ARHGAP4: variants seen among roughly 807,000 people sequenced by gnomAD.
ARHGAP4 encodes the protein rho GTPase-activating protein 4.
ARHGAP4 carries 25 observed loss-of-function variants against 67.6 expected under a neutral mutation model. That is an observed-to-expected ratio of 0.37 (90% CI 0.27 to 0.52). The LOEUF is 0.52. ARHGAP4 is among the 20% of genes least tolerant of loss of function. The pLI is 0.92. For missense variants in ARHGAP4, 804 were observed against 854.6 expected, an observed-to-expected ratio of 0.94 and a Z score of 0.74; for synonymous variants, 448 against 373.7, an observed-to-expected ratio of 1.20 and a Z score of -2.29.
chrX:153,910,921 C>T lies in ARHGAP4; in HGVS notation c.1681+1G>A. The stretch of plus-strand genomic sequence containing the variant: ...CCCCCGCCCGCCCTGCCCGTCCCCA[C>T]CTCTCTCGAAGGCATCACGGATCTC... On this transcript the variant is annotated splice_donor_variant, in intron 14 of 21. Transcript: ENST00000350060. LOFTEE classifies it high-confidence loss of function. 2 of 1,159,983 alleles carry T rather than the reference C, an allele frequency of 1.7e-6. No individual in the cohort carries two copies.
In ARHGAP4 at chrX:153,919,316, C is replaced by T. The variant is rs377380549; in HGVS notation, c.682-33G>A. ...AGACAATGCAAGCGTGCCAGGGTCA[C>T]GCACGTGGCCAGCCCCTATCTCTAG... On this transcript the variant is annotated intron_variant, in intron 5 of 21. Transcript: ENST00000350060. 4.2e-5 allele frequency: 51 copies of T among 1,210,567 alleles called. 1 individual carries two copies. In the African/African-American group the frequency reaches 6.3e-4, roughly 15 times the overall value.
Position 153,908,337 on chromosome X carries a change from C to G in ARHGAP4, c.2608-375G>C, listed in dbSNP as rs972800292. Among the ~76,000 whole-genome samples the G allele has an allele frequency of 3.6e-5, 4 of 112,178 alleles. No individual in the cohort carries two copies. In the Admixed American group the frequency reaches 3.7e-4, roughly 11 times the overall value. On this transcript the variant is annotated intron_variant, in intron 21 of 21. Coordinates refer to ENST00000350060, the MANE Select transcript of ARHGAP4 (RefSeq NM_001666.5). ...TCCTGGCTGCCCTGTCCCTGGCTCC[C>G]GCTCCTGCTCCTCCGTGTCTACCGG...
Position 153,908,002 on chromosome X carries a change from C to A in ARHGAP4, c.2608-40G>T, listed in dbSNP as rs782232463. 2.9e-5 allele frequency: 32 copies of A among 1,114,509 alleles called. No individual in the cohort carries two copies. The East Asian group carries it at 9.0e-4, about 32-fold the overall frequency. 91.8% of individuals were successfully genotyped at this position (1,114,509 alleles called of 1,213,427 possible). A position where few individuals can be genotyped will look rare whatever the true frequency, so the allele number is the denominator to read the frequency against. On this transcript the variant is annotated intron_variant, in intron 21 of 21. Coordinates refer to ENST00000350060, the MANE Select transcript of ARHGAP4 (RefSeq NM_001666.5). ...AGAAAGGGAGAGTGACCAGTGAGTT[C>A]CCCCGACTGACCCTGCCCAAGACCC...
chrX:153,912,556 G>T lies in ARHGAP4; in HGVS notation c.1542+144C>A, dbSNP rs2065028371. ...GGGAGCCCAACAGTGGCCTGGAAGA[G>T]GCCCACCCAGAAAAGGACAGTTGAT... On this transcript the variant is annotated intron_variant, in intron 12 of 21. Coordinates refer to ENST00000350060, the MANE Select transcript of ARHGAP4 (RefSeq NM_001666.5). 1.2e-5 allele frequency: 6 copies of T among 510,592 alleles called. No individual in the cohort carries two copies. The South Asian group carries it at 1.7e-4, about 14-fold the overall frequency. 42.1% of individuals were successfully genotyped at this position (510,592 alleles called of 1,213,427 possible).
intron 13 of ARHGAP4, 39 bp downstream of exon 13, chrX:153,911,090 T>C (rs1557103184): frequency 1.7e-6 from 2 of 1,166,515 alleles, no homozygotes; most frequent in Admixed American, 5.2e-5. Flanking sequence ...AACTGGGTGC[T>C]GGGTGCCAGG....
At position 153,920,840 on chromosome X, in the gene ARHGAP4, G is replaced by A. The variant is rs372182033; in HGVS notation, c.499-32C>T. 1.9e-5 allele frequency: 23 copies of A among 1,206,922 alleles called. No homozygotes were observed. The African/African-American group carries it at 4.0e-4, about 21-fold the overall frequency. On this transcript the variant is annotated intron_variant, in intron 4 of 21. Transcript: ENST00000350060. ...GGAGACCCAAAGCAAGGTGGTGCTGGTGAAGGCCACGGCTGGGCCAGCCCC... is the reference window on the plus strand; with the variant it reads ...GGAGACCCAAAGCAAGGTGGTGCTGATGAAGGCCACGGCTGGGCCAGCCCC...
At chrX:153,923,941 C>T (rs1392148957) in intron 1 of ARHGAP4, among the ~76,000 whole-genome samples, 1 of 110,995 alleles carries the variant, frequency 9.0e-6, no homozygotes, top group Non-Finnish European at 1.9e-5. Flanking sequence ...CCACACCCAG[C>T]TAATTTTTGT....
Position 153,911,202 on chromosome X carries a change from G to A in ARHGAP4, c.1543-13C>T, listed in dbSNP as rs782219026. 155 of 1,146,790 alleles carry A rather than the reference G, an allele frequency of 1.4e-4. 1 individual carries two copies. The South Asian group carries it at 2.7e-3, about 20-fold the overall frequency. The allele number at this position is 1,146,790 out of a possible 1,213,427, so 94.5% of individuals were successfully genotyped here. On this transcript the variant is annotated splice_polypyrimidine_tract_variant and intron_variant, in intron 12 of 21. Transcript: ENST00000350060. ...GCTGGCCTGAGCTCTGGGGACAGAG[G>A]GTGTTTACTTCACCATGGACACAGC...
Position 153,921,787 on chromosome X carries a change from C to T in ARHGAP4, c.90G>A (p.Glu30=). 8.4e-7 allele frequency: 1 copy of T among 1,192,523 alleles called. No homozygotes were observed. Among genetic ancestry groups the T allele is most frequent in the Non-Finnish European group, 1.1e-6 (1 of 887,112 alleles). ...QVKEMRWQLS[E]QLRCLELQGE... ...CCTGCAGCTCCAGGCAGCGCAGCTGCTCGCTCAGCTGCCAGCGCATCTCTG... is the reference window on the plus strand; with the variant it reads ...CCTGCAGCTCCAGGCAGCGCAGCTGTTCGCTCAGCTGCCAGCGCATCTCTG... The change falls in exon 2 of 22, where the codon GAG becomes GAA. Residue 30 remains glutamate (E), a synonymous_variant. Transcript: ENST00000350060.
At chrX:153,911,252 CTTTTT>C (rs10710691) in intron 12 of ARHGAP4, 63 bp from the exon 13 acceptor site, 2,157 of 414,509 alleles carry the variant, frequency 5.2e-3, no homozygotes, top group East Asian at 0.011. Context: ...CATTCAATTG[CTTTTT>C]TTTTTTTTTT....
In ARHGAP4 at chrX:153,910,830, C is replaced by A. The variant is rs62620965; in HGVS notation, c.1686G>T (p.Glu562Asp). 1 of 1,190,428 alleles carries A rather than the reference C, an allele frequency of 8.4e-7. No homozygotes were observed. Residue 562 changes from glutamate to aspartate, a missense_variant, in exon 15 of 22, where the codon GAG becomes GAT. Transcript: ENST00000350060. ...CAGTGCAGCCCTCCACCAGTGGGTC[C>A]TCCCCTGCAGATGGGCGAGTGGTGC... ...SEIRDAFERGEDPLVEGCTAH... is the reference protein window; with the variant it reads ...SEIRDAFERGDDPLVEGCTAH...
chrX:153,917,284 C>T (rs2065062038), intron 7 of ARHGAP4, among the ~76,000 whole-genome samples: 1 of 110,776 alleles, frequency 9.0e-6, no homozygotes, highest in East Asian at 2.8e-4. Context: ...GTGGCAAGTG[C>T]CTGTAATTCC....
rs1557101461 is a variant in ARHGAP4 at position 153,907,414 on chromosome X, A to G, written c.*315T>C. 6.4e-6 allele frequency: 2 copies of G among 314,307 alleles called. No homozygotes were observed. The highest frequency in any genetic ancestry group is 1.1e-5 in the Non-Finnish European group (2 of 175,871). 25.9% of individuals were successfully genotyped at this position (314,307 alleles called of 1,213,427 possible). ...ACGAGGTCTTTATGAATCGCCACCC[A>G]GCCCTGCCAGGCATCTGAGCAAGGG... On this transcript the variant is annotated 3_prime_UTR_variant, in exon 22 of 22. Coordinates refer to ENST00000350060, the MANE Select transcript of ARHGAP4 (RefSeq NM_001666.5).
chrX:153,909,628 G>A, intron 19 of ARHGAP4, 93 bp from the exon 20 acceptor site: 1 of 1,092,454 alleles, frequency 9.2e-7, no homozygotes, highest in Non-Finnish European at 1.2e-6. Flanking sequence ...TGGTCAGAGA[G>A]GCTCTGTTCT....
intron 7 of ARHGAP4, among the ~76,000 whole-genome samples, chrX:153,917,364 C>T (rs990317661): frequency 3.6e-5 from 4 of 110,932 alleles, no homozygotes; most frequent in African/African-American, 6.6e-5. Flanking sequence ...GGGTCAAGAT[C>T]GTGCCACTGC....
In ARHGAP4 at chrX:153,910,303, G is replaced by A. The variant is rs374436435; in HGVS notation, c.2024C>T (p.Ala675Val). 3.1e-5 allele frequency: 37 copies of A among 1,208,151 alleles called. No individual in the cohort carries two copies. Among genetic ancestry groups the A allele is most frequent in the Non-Finnish European group, 3.8e-5 (34 of 894,401 alleles). ...LPVPAGQDPVALQGRVNQLVQ... is the reference protein window; with the variant it reads ...LPVPAGQDPVVLQGRVNQLVQ... Reference sequence around the variant, plus strand: ...CAGCTGGTTCACCCGGCCCTGCAGCGCCACCGGGTCCTGCCCAGCGGGCAC... The same window carrying A: ...CAGCTGGTTCACCCGGCCCTGCAGCACCACCGGGTCCTGCCCAGCGGGCAC... The change falls in exon 17 of 22, where the codon GCG becomes GTG. Residue 675 changes from alanine (A) to valine (V), a missense_variant. Physicochemically the swap from Ala to Val is moderately conservative, Grantham distance 64. Around this residue, in one of 2 missense-constraint regions of ARHGAP4, gnomAD observed 400 missense variants for 348.7 expected, o/e 1.15. Transcript: ENST00000350060.
At chrX:153,921,909 C>T in intron 1 of ARHGAP4, 100 bp from the exon 2 acceptor site, 1 of 1,000,922 alleles carries the variant, frequency 1.0e-6, no homozygotes, top group Non-Finnish European at 1.3e-6. Flanking sequence ...GACCCCAGTC[C>T]CGTCGGCTCT....
At chrX:153,911,252 C>CTTTT (rs10710691) in intron 12 of ARHGAP4, 63 bp from the exon 13 acceptor site, 33 of 422,605 alleles carry the variant, frequency 7.8e-5, no homozygotes, top group Admixed American at 1.9e-4. Flanking sequence ...CATTCAATTG[C>CTTTT]TTTTTTTTTT....
Position 153,910,779 on chromosome X carries a change from C to G in ARHGAP4, c.1737G>C (p.Gly579=), listed in dbSNP as rs1446165802. ...GGCTCCGGAAGTAGAGCTTCAGCAC[C>G]CCGGCCACCGAGTCCAGGTCATGGG... ...CTAHDLDSVA[G]VLKLYFRSLE... is the part of the protein sequence containing the mutation. Residue 579 remains glycine (G), a synonymous_variant, in exon 15 of 22, where the codon GGG becomes GGC. Transcript: ENST00000350060. 1 of 1,190,113 alleles carries G rather than the reference C, an allele frequency of 8.4e-7. No individual in the cohort carries two copies. Among genetic ancestry groups the G allele is most frequent in the African/African-American group, 1.8e-5 (1 of 56,853 alleles).
Sources: allele counts gnomAD v4.1 joint callset (sites outside exome capture counted in the v4.1 genomes callset), GRCh38; gene constraint gnomAD v4.1.1; regional missense constraint gnomAD v4.1.1; transcripts MANE v1.5; gene names NCBI Gene and HGNC (gene_info 2026-07-23, HGNC 2026-07-21).